CNTN1: variants seen among roughly 807,000 people sequenced by gnomAD.
The protein encoded by CNTN1 is contactin 1, also known as contactin-1.
Under a neutral mutation model 126.4 loss-of-function variants are expected in CNTN1, and 38 were observed. The observed-to-expected ratio is 0.30, with a 90% CI of 0.23 to 0.39. CNTN1 has a LOEUF of 0.39. CNTN1 is among the 10% of genes least tolerant of loss of function. CNTN1 has a pLI of 1.00. For missense variants in CNTN1, 1,009 were observed against 1,248.4 expected (o/e 0.81, Z 2.89); for synonymous variants, 413 against 422.6 (o/e 0.98, Z 0.28).
intron 1 of CNTN1, among the ~76,000 whole-genome samples, chr12:40,784,160 A>G (rs1459664646): frequency 6.6e-6 from 1 of 152,082 alleles, no homozygotes; most frequent in African/African-American, 2.4e-5. Flanking sequence ...CAAACTTCTA[A>G]AAGAAAATAT....
intron 1 of CNTN1, among the ~76,000 whole-genome samples, chr12:40,730,060 T>C (rs1207964761): frequency 6.6e-6 from 1 of 152,202 alleles, no homozygotes; most frequent in South Asian, 2.1e-4. Flanking sequence ...AGAACTTGTT[T>C]TGAGTCTAAA....
chr12:40,719,323 A>G (rs2121207112), intron 1 of CNTN1, among the ~76,000 whole-genome samples: 1 of 152,292 alleles, frequency 6.6e-6, no homozygotes, highest in Middle Eastern at 3.4e-3. Flanking sequence ...GGATAATTGT[A>G]TTTTCGGAGT....
chr12:40,702,561 C>T (rs891838209), intron 1 of CNTN1, among the ~76,000 whole-genome samples: 1 of 152,180 alleles, frequency 6.6e-6, no homozygotes, highest in African/African-American at 2.4e-5. Flanking sequence ...TATCCTGCCT[C>T]AGCCTCCCAA....
chr12:40,904,881 C>A (rs1309484724), intron 1 of CNTN1, among the ~76,000 whole-genome samples: 4 of 152,196 alleles, frequency 2.6e-5, no homozygotes, highest in Non-Finnish European at 5.9e-5. Context: ...AGATATGTAT[C>A]CCCTGCCCTG....
At chr12:41,026,810 T>C (rs1949047202) in intron 21 of CNTN1, among the ~76,000 whole-genome samples, 1 of 152,186 alleles carries the variant, frequency 6.6e-6, no homozygotes, top group African/African-American at 2.4e-5. Context: ...CTGGCATCTG[T>C]ACAGAAAATG....
chr12:41,027,738 T>C, intron 21 of CNTN1, 119 bp from the exon 22 acceptor site: 1 of 729,212 alleles, frequency 1.4e-6, no homozygotes. Flanking sequence ...TAGTAAACAC[T>C]TATTAAAACT....
At chr12:40,798,260 G>A (rs932350015) in intron 1 of CNTN1, among the ~76,000 whole-genome samples, 10 of 152,008 alleles carry the variant, frequency 6.6e-5, no homozygotes, top group Non-Finnish European at 8.8e-5. Flanking sequence ...CAGGTGAGAT[G>A]TTGCTACTGA....
intron 1 of CNTN1, among the ~76,000 whole-genome samples, chr12:40,734,232 C>G (rs532154048): frequency 6.6e-6 from 1 of 152,136 alleles, no homozygotes; most frequent in African/African-American, 2.4e-5. Context: ...AATGATTAGG[C>G]CAAGTTCTCT....
chr12:40,741,455 A>G (rs1356305889), intron 1 of CNTN1, among the ~76,000 whole-genome samples: 1 of 152,074 alleles, frequency 6.6e-6, no homozygotes, highest in Non-Finnish European at 1.5e-5. Flanking sequence ...ATCATACACC[A>G]CAAAAAGAAA....
intron 1 of CNTN1, among the ~76,000 whole-genome samples, chr12:40,848,543 T>A (rs1047944857): frequency 6.6e-6 from 1 of 152,202 alleles, no homozygotes; most frequent in Admixed American, 6.5e-5. Flanking sequence ...AGTCAAGAGA[T>A]TCAGATACTA....
chr12:41,041,710 T>G (rs1054701455), intron 23 of CNTN1, among the ~76,000 whole-genome samples: 20 of 152,168 alleles, frequency 1.3e-4, no homozygotes, highest in African/African-American at 4.8e-4. Context: ...CGTAGAGGTG[T>G]TTGTGGTATT....
At chr12:41,028,034 T>C (rs925671928) in intron 22 of CNTN1, 65 bp downstream of exon 22, 15 of 1,180,536 alleles carry the variant, frequency 1.3e-5, no homozygotes, top group Non-Finnish European at 1.8e-5. Flanking sequence ...CCAAGATGGG[T>C]TTCTTTTCTT....
chr12:40,719,789 TA>T (rs1229707611), intron 1 of CNTN1, among the ~76,000 whole-genome samples: 5 of 152,150 alleles, frequency 3.3e-5, no homozygotes, highest in African/African-American at 1.2e-4. Context: ...TAGAGTTTGT[TA>T]AAAGATTTAT....
intron 1 of CNTN1, among the ~76,000 whole-genome samples, chr12:40,904,766 A>G (rs1416711666): frequency 6.6e-6 from 1 of 152,130 alleles, no homozygotes; most frequent in Non-Finnish European, 1.5e-5. Flanking sequence ...TTCATTTTGG[A>G]TAGGATTATA....
At chr12:40,930,905 C>T (rs1945861309) in intron 7 of CNTN1, among the ~76,000 whole-genome samples, 1 of 151,950 alleles carries the variant, frequency 6.6e-6, no homozygotes, top group Non-Finnish European at 1.5e-5. Flanking sequence ...AATCTCACCC[C>T]CTACTTCATA....
At chr12:41,057,761 G>T (rs74076969) in intron 23 of CNTN1, among the ~76,000 whole-genome samples, 1 of 151,982 alleles carries the variant, frequency 6.6e-6, no homozygotes, top group Non-Finnish European at 1.5e-5. Context: ...GCGTTTTGGC[G>T]TGATTTTTTT....
chr12:40,944,183 A>T lies in CNTN1; in HGVS notation c.1683+13A>T. The stretch of plus-strand genomic sequence containing the variant: ...GAGGAATTTTATGGTATGTGTTTTA[A>T]GTTTCATCTTATTAACACCCCAGTG... On this transcript the variant is annotated intron_variant, in intron 14 of 23. Coordinates refer to ENST00000551295, the MANE Select transcript of CNTN1 (RefSeq NM_001843.4). 6.2e-7 allele frequency: 1 copy of T among 1,604,558 alleles called. No individual in the cohort carries two copies. The highest frequency in any genetic ancestry group is 8.5e-7 in the Non-Finnish European group (1 of 1,171,740).
At chr12:40,869,076 T>C (rs143196572) in intron 1 of CNTN1, among the ~76,000 whole-genome samples, 7 of 152,106 alleles carry the variant, frequency 4.6e-5, no homozygotes, top group South Asian at 2.1e-4. Flanking sequence ...TTTCTATTAA[T>C]TTTGAATAAA....
At chr12:40,990,703 T>TC (rs997276952) in intron 16 of CNTN1, among the ~76,000 whole-genome samples, 2 of 152,324 alleles carry the variant, frequency 1.3e-5, no homozygotes, top group Middle Eastern at 3.4e-3. Context: ...CTGCAGCTTC[T>TC]CCACACATCC....
Sources: gnomAD v4.1 joint callset for allele counts (sites outside exome capture counted in the v4.1 genomes callset) on GRCh38, gnomAD v4.1.1 for gene constraint, MANE v1.5 for transcripts, NCBI Gene and HGNC (gene_info 2026-07-23, HGNC 2026-07-21) for gene names.